The following SANBR variants were observed in gnomAD, a reference collection of about 807,000 sequenced individuals.
SANBR encodes the protein SANT and BTB domain regulator of CSR.
SANBR carries 77 observed loss-of-function variants against 101.8 expected under a neutral mutation model. That is an observed-to-expected ratio of 0.76 (90% CI 0.63 to 0.91). SANBR has a LOEUF of 0.91. Among genes scored for constraint, SANBR ranks in the 40% least tolerant of loss-of-function variants. The probability of loss-of-function intolerance (pLI) is 0.00; values close to 1 mark genes in which losing one functional copy is unlikely to be tolerated. For synonymous variants in SANBR, 279 were observed against 274.7 expected (o/e 1.02, Z -0.15); for missense variants, 875 against 853.0 (o/e 1.03, Z -0.32).
chr2:61,081,433 A>AT lies in SANBR; in HGVS notation c.671-19_671-18insT. 4.5e-6 allele frequency: 7 copies of AT among 1,557,934 alleles called. No homozygotes were observed. The highest frequency in any genetic ancestry group is 5.2e-6 in the Non-Finnish European group (6 of 1,151,464). ...GGGGTACCCATCAAAAGGGTAATCT[A>AT]ATTTTTTTTTTTTTTTAGAGCCAGG... On this transcript the variant is annotated intron_variant, in intron 6 of 21. Transcript: ENST00000402291.
At chr2:61,069,688 G>T (rs570046228) in intron 2 of SANBR, 1 of 152,400 alleles carries the variant, frequency 6.6e-6, no homozygotes, top group South Asian at 2.1e-4. Flanking sequence ...CTCAGTAAAT[G>T]TTTGAATAAA....
intron 6 of SANBR, among the ~76,000 whole-genome samples, chr2:61,077,731 A>G (rs1166300056): frequency 1.3e-5 from 2 of 152,252 alleles, no homozygotes; most frequent in Non-Finnish European, 2.9e-5. Context: ...CTCCTACTGC[A>G]CAGCAACACA....
chr2:61,082,675 C>G (rs1160063369), intron 7 of SANBR, among the ~76,000 whole-genome samples: 3 of 152,034 alleles, frequency 2.0e-5, no homozygotes, highest in African/African-American at 7.2e-5. Context: ...AAAAATTAGC[C>G]AGGCGTGGTG....
At chr2:61,075,787 A>G (rs1042343226) in intron 5 of SANBR, among the ~76,000 whole-genome samples, 2 of 151,894 alleles carry the variant, frequency 1.3e-5, no homozygotes, top group East Asian at 3.8e-4. Flanking sequence ...TAACAAAGCC[A>G]TGCTAGTTAT....
chr2:61,071,791 T>C lies in SANBR; in HGVS notation c.336T>C (p.Thr112=). ...TPVGHDAVSK[T]GRHSIASTRN... is the part of the protein sequence containing the mutation. Reference sequence around the variant, plus strand: ...TTGGACATGATGCAGTTTCCAAAACTGGTAAGGTTTTAAACTAAAATGTAG... The same window carrying C: ...TTGGACATGATGCAGTTTCCAAAACCGGTAAGGTTTTAAACTAAAATGTAG... The change falls in exon 4 of 22, where the codon ACT becomes ACC. Residue 112 remains threonine, a splice_region_variant and synonymous_variant. Transcript: ENST00000402291. 4 of 1,587,718 alleles carry C rather than the reference T, an allele frequency of 2.5e-6. No individual in the cohort carries two copies. Among genetic ancestry groups the C allele is most frequent in the Non-Finnish European group, 3.4e-6 (4 of 1,168,284 alleles).
chr2:61,108,431 CT>C, intron 15 of SANBR, 82 bp downstream of exon 15: 1 of 912,190 alleles, frequency 1.1e-6, no homozygotes, highest in Non-Finnish European at 1.7e-6. Flanking sequence ...TTATCAGTAT[CT>C]TATTTTACAA....
At chr2:61,071,843 A>C (rs764285577) in intron 4 of SANBR, 51 bp downstream of exon 4, 2 of 1,100,264 alleles carry the variant, frequency 1.8e-6, no homozygotes, top group Non-Finnish European at 2.7e-6. Context: ...AATTCTGCAG[A>C]ATATTATATA....
chr2:61,092,162 G>T (rs1682795258), intron 10 of SANBR, among the ~76,000 whole-genome samples: 1 of 152,084 alleles, frequency 6.6e-6, no homozygotes, highest in Non-Finnish European at 1.5e-5. Context: ...AAATTATTTG[G>T]TATTCAAATC....
At position 61,107,798 on chromosome 2, in the gene SANBR, A is replaced by T. The variant is rs985592288; in HGVS notation, c.1612-519A>T. On this transcript the variant is annotated intron_variant, in intron 14 of 21. Transcript: ENST00000402291. Reference sequence around the variant, plus strand: ...CTACTCGGGAGGCTAAAGCAGGAGAATCGCTTAAACCCAGAAGGCGGAGGT... The same window carrying T: ...CTACTCGGGAGGCTAAAGCAGGAGATTCGCTTAAACCCAGAAGGCGGAGGT... Among the ~76,000 whole-genome samples, 61 of 152,160 alleles carry T rather than the reference A, an allele frequency of 4.0e-4. 1 individual carries two copies. Among genetic ancestry groups the T allele is most frequent in the African/African-American group, 1.4e-3 (60 of 41,500 alleles).
In SANBR at chr2:61,076,914, A is replaced by G; in HGVS notation, c.432-6A>G. 2.5e-6 allele frequency: 4 copies of G among 1,591,908 alleles called. No homozygotes were observed. The highest frequency in any genetic ancestry group is 3.4e-6 in the Non-Finnish European group (4 of 1,165,508). On this transcript the variant is annotated splice_region_variant and splice_polypyrimidine_tract_variant and intron_variant, in intron 5 of 21. Coordinates refer to ENST00000402291, the MANE Select transcript of SANBR (RefSeq NM_001129993.3). Reference sequence around the variant, plus strand: ...AATTTCATTTTTGTGTAACATTTTTATGAAGGCCAAACATGGTGATCCATG... The same window carrying G: ...AATTTCATTTTTGTGTAACATTTTTGTGAAGGCCAAACATGGTGATCCATG...
downstream of SANBR, chr2:61,124,345 C>G (rs781054909): frequency 2.8e-5 from 20 of 710,652 alleles, no homozygotes; most frequent in Non-Finnish European, 3.5e-5. Flanking sequence ...TGGAGTAGCT[C>G]TAGATTCCAC....
At chr2:61,095,950 A>G (rs1683010753) in intron 11 of SANBR, among the ~76,000 whole-genome samples, 2 of 152,042 alleles carry the variant, frequency 1.3e-5, no homozygotes, top group African/African-American at 2.4e-5. Context: ...TTGTGGGACC[A>G]CCCTTAATCA....
rs766878456 is a variant in SANBR, at chr2:61,071,691, G to C, written c.236G>C (p.Ser79Thr). ...AATTCCCTAATGGCTGCTGGAGAGA[G>C]TCCTGTTGAAACTTTAGCCACATAT... Reference protein sequence around the residue: ...QYNSLMAAGESPVETLATYIK... With the variant: ...QYNSLMAAGETPVETLATYIK... Residue 79 changes from serine (S) to threonine (T), a missense_variant, in exon 4 of 22, where the codon AGT (serine) becomes ACT (threonine). Ser to Thr is a moderately conservative substitution (Grantham distance 58). Transcript: ENST00000402291. 1.9e-6 allele frequency: 3 copies of C among 1,606,170 alleles called. No individual in the cohort carries two copies. In the African/African-American group the frequency reaches 4.0e-5, roughly 22 times the overall value.
rs70959893 is a variant in SANBR at position 61,072,821 on chromosome 2, C to CTTTTTTTTTTTTTT, written c.338-621_338-608dup. On this transcript the variant is annotated intron_variant, in intron 4 of 21. Transcript: ENST00000402291. The stretch of plus-strand genomic sequence containing the variant: ...AGACTCTTGCTTGTCTCTCATGTTA[C>CTTTTTTTTTTTTTT]TTTTTTTTTTTTTTTTTTTTTTTTT... Among the ~76,000 whole-genome samples, 67 of 31,652 alleles carry CTTTTTTTTTTTTTT rather than the reference C, an allele frequency of 2.1e-3. 7 individuals are homozygous for CTTTTTTTTTTTTTT. The highest frequency in any genetic ancestry group is 2.5e-3 in the Non-Finnish European group (45 of 18,072). The allele number at this position is 31,652 out of a possible 152,430, so 20.8% of individuals were successfully genotyped here.
chr2:61,085,997 G>T (rs1244298614), intron 8 of SANBR, among the ~76,000 whole-genome samples: 1 of 152,004 alleles, frequency 6.6e-6, no homozygotes, highest in Non-Finnish European at 1.5e-5. Flanking sequence ...TAGAATTTGG[G>T]ATTCATGTAA....
At chr2:61,094,638 CTTTTTTTTTTT>C (rs35061669) in intron 11 of SANBR, among the ~76,000 whole-genome samples, 13 of 79,014 alleles carry the variant, frequency 1.6e-4, no homozygotes, top group South Asian at 1.1e-3. Flanking sequence ...TATTTCTCTT[CTTTTTTTTTTT>C]TTTTTTTTTT....
Position 61,115,970 on chromosome 2 carries a change from C to T in SANBR, c.1745-9C>T. 1.3e-6 allele frequency: 2 copies of T among 1,583,514 alleles called. No homozygotes were observed. The highest frequency in any genetic ancestry group is 1.7e-6 in the Non-Finnish European group (2 of 1,157,364). On this transcript the variant is annotated splice_polypyrimidine_tract_variant and intron_variant, in intron 16 of 21. Coordinates refer to ENST00000402291, the MANE Select transcript of SANBR (RefSeq NM_001129993.3). ...GCCTAAGTTTATAACATTGTCTTCT[C>T]ATTATCAGGGAAAAAGGAGAAGCCA...
intron 1 of SANBR, among the ~76,000 whole-genome samples, chr2:61,067,780 C>T (rs374770532): frequency 1.3e-4 from 20 of 152,298 alleles, no homozygotes; most frequent in Middle Eastern, 3.4e-3. Context: ...CTCTAACATG[C>T]TTCCCAAATT....
intron 12 of SANBR, among the ~76,000 whole-genome samples, chr2:61,101,818 C>T (rs1683300230): frequency 6.6e-6 from 1 of 151,496 alleles, no homozygotes; most frequent in African/African-American, 2.4e-5. Flanking sequence ...GGGCGGACCA[C>T]CTGAGGTCAG....
Sources: allele counts gnomAD v4.1 joint callset (sites outside exome capture counted in the v4.1 genomes callset), GRCh38; gene constraint gnomAD v4.1.1; transcripts MANE v1.5; gene names NCBI Gene and HGNC (gene_info 2026-07-23, HGNC 2026-07-21).